The following ETV6 variants were observed in gnomAD, a reference collection of about 807,000 sequenced individuals.
The protein encoded by ETV6 is ETS variant transcription factor 6.
A neutral mutation model predicts 51.1 loss-of-function variants in ETV6; 16 were observed. That is an observed-to-expected ratio of 0.31 (90% confidence interval 0.21 to 0.48). ETV6 has a LOEUF of 0.48. Among genes scored for constraint, ETV6 ranks in the 20% least tolerant of loss-of-function variants. ETV6 has a pLI of 0.99. For missense variants in ETV6, 458 were observed against 594.8 expected, an observed-to-expected ratio of 0.77 and a Z score of 2.39; for synonymous variants, 240 against 224.1, an observed-to-expected ratio of 1.07 and a Z score of -0.64.
chr12:11,664,853 A>G (rs998213570), intron 1 of ETV6, among the ~76,000 whole-genome samples: 2 of 151,900 alleles, frequency 1.3e-5, no homozygotes, highest in East Asian at 3.9e-4. Flanking sequence ...CCCCACCCCC[A>G]ACACAACTTG....
intron 2 of ETV6, chr12:11,768,990 G>A (rs568403495): frequency 3.0e-5 from 14 of 471,694 alleles, no homozygotes; most frequent in African/African-American, 5.9e-5. Context: ...TGAAGAACCC[G>A]TAGGCTCAGT....
intron 1 of ETV6, among the ~76,000 whole-genome samples, chr12:11,712,475 A>G (rs1182053973): frequency 6.6e-6 from 1 of 152,188 alleles, no homozygotes; most frequent in Non-Finnish European, 1.5e-5. Context: ...TGGGGATGGT[A>G]TTACAGGTCG....
chr12:11,892,210 A>ATTTTTTTTTTT lies in ETV6; in HGVS notation c.*1177_*1187dup, dbSNP rs35812814. 7.8e-5 allele frequency: 12 copies of ATTTTTTTTTTT among 153,580 alleles called. No individual in the cohort carries two copies. The highest frequency in any genetic ancestry group is 2.1e-4 in the African/African-American group (5 of 24,360). The allele number at this position is 153,580 out of a possible 1,614,324, so 9.5% of individuals were successfully genotyped here. On this transcript the variant is annotated 3_prime_UTR_variant, in exon 8 of 8. Transcript: ENST00000396373. The stretch of plus-strand genomic sequence containing the variant: ...GTGGTCAGTTTCATGCCCTCACCTG[A>ATTTTTTTTTTT]TTTTTTTTTTTTTTTTTTTTTTTCA...
chr12:11,860,822 CTT>C (rs1464901460), intron 4 of ETV6, among the ~76,000 whole-genome samples: 1 of 152,172 alleles, frequency 6.6e-6, no homozygotes, highest in Admixed American at 6.5e-5. Context: ...TTTCCTTCCA[CTT>C]TTCTTAACCA....
At chr12:11,841,268 C>T (rs1946387211) in intron 3 of ETV6, among the ~76,000 whole-genome samples, 1 of 152,176 alleles carries the variant, frequency 6.6e-6, no homozygotes, top group Admixed American at 6.5e-5. Context: ...GTCAGGTGGG[C>T]CATGTGGAAG....
chr12:11,881,455 GCTCCA>G (rs982833241), intron 5 of ETV6, among the ~76,000 whole-genome samples: 1 of 152,202 alleles, frequency 6.6e-6, no homozygotes, highest in African/African-American at 2.4e-5. Context: ...GATACGGATT[GCTCCA>G]CAGTTCTGGG....
At chr12:11,701,272 A>C (rs944967570) in intron 1 of ETV6, among the ~76,000 whole-genome samples, 3 of 152,178 alleles carry the variant, frequency 2.0e-5, no homozygotes, top group African/African-American at 7.2e-5. Flanking sequence ...TGTCCCCAGC[A>C]AACGCTGGCA....
chr12:11,819,692 G>C (rs1052183009), intron 2 of ETV6, among the ~76,000 whole-genome samples: 43 of 152,234 alleles, frequency 2.8e-4, no homozygotes, highest in African/African-American at 1.0e-3. Flanking sequence ...CCTCCACATT[G>C]AATTAATCTC....
At chr12:11,767,530 T>A (rs1945181064) in intron 2 of ETV6, among the ~76,000 whole-genome samples, 1 of 152,188 alleles carries the variant, frequency 6.6e-6, no homozygotes, top group Admixed American at 6.5e-5. Flanking sequence ...AGAAAGAATA[T>A]TGGACTTGGG....
intron 3 of ETV6, chr12:11,840,396 T>C (rs1308026834): frequency 2.2e-6 from 1 of 455,924 alleles, no homozygotes; most frequent in Non-Finnish European, 4.4e-6. Context: ...GTCTCAGGTT[T>C]ATGCCTCTTG....
chr12:11,749,340 C>T lies in ETV6; in HGVS notation c.34-3110C>T, dbSNP rs912983255. On this transcript the variant is annotated intron_variant, in intron 1 of 7. Transcript: ENST00000396373. ...ACACACACACACACACACACACACA[C>T]ACACACACACCCCTACTCCCCATAA... Among the ~76,000 whole-genome samples, 411 of 118,830 alleles carry T rather than the reference C, an allele frequency of 3.5e-3. 4 individuals are homozygous for T. The highest frequency in any genetic ancestry group is 0.011 in the African/African-American group (392 of 34,408). The allele number at this position is 118,830 out of a possible 152,430, so 78.0% of individuals were successfully genotyped here.
chr12:11,784,838 AAGTGTG>A (rs1354851487), intron 2 of ETV6, among the ~76,000 whole-genome samples: 1 of 149,486 alleles, frequency 6.7e-6, no homozygotes, highest in Non-Finnish European at 1.5e-5. Context: ...CTGGAACTAC[AAGTGTG>A]CACCCCGTGC....
intron 2 of ETV6, among the ~76,000 whole-genome samples, chr12:11,827,968 G>C (rs1046410416): frequency 6.6e-6 from 1 of 152,144 alleles, no homozygotes; most frequent in Non-Finnish European, 1.5e-5. Flanking sequence ...TTCTGCTGAG[G>C]ATTACAAACA....
At chr12:11,739,327 A>G (rs1245905075) in intron 1 of ETV6, among the ~76,000 whole-genome samples, 1 of 152,128 alleles carries the variant, frequency 6.6e-6, no homozygotes, top group Non-Finnish European at 1.5e-5. Flanking sequence ...TTCTGAAAGG[A>G]TGGGGAATAG....
At chr12:11,724,347 G>A (rs1421611797) in intron 1 of ETV6, among the ~76,000 whole-genome samples, 2 of 152,180 alleles carry the variant, frequency 1.3e-5, no homozygotes, top group Non-Finnish European at 2.9e-5. Context: ...GCCTGTTCGT[G>A]GATCCTTAGT....
intron 3 of ETV6, chr12:11,840,415 A>ATTACTGAAGTACTCAAGGCCCTCCTT: frequency 4.4e-6 from 2 of 456,068 alleles, no homozygotes; most frequent in Non-Finnish European, 8.8e-6. Flanking sequence ...TGCGGGATTA[A>ATTACTGAAGTACTCAAGGCCCTCCTT]TTACTGAAGT....
chr12:11,654,394 T>C (rs188552824), intron 1 of ETV6, among the ~76,000 whole-genome samples: 35 of 152,238 alleles, frequency 2.3e-4, no homozygotes, highest in Admixed American at 2.0e-3. Flanking sequence ...AACCCATGGG[T>C]GAGTGAGCCA....
chr12:11,650,746 A>G (rs1459231747), intron 1 of ETV6, among the ~76,000 whole-genome samples: 3 of 152,112 alleles, frequency 2.0e-5, no homozygotes, highest in Admixed American at 6.6e-5. Context: ...GGCATTGCAC[A>G]ATGAATTTTT....
Position 11,832,573 on chromosome 12 carries a change from TC to T in ETV6, c.164-6565del, listed in dbSNP as rs1468978703. 6.6e-5 allele frequency among the ~76,000 whole-genome samples: 10 copies of T among 152,334 alleles called. No individual in the cohort carries two copies. The East Asian group carries it at 1.9e-3, about 29-fold the overall frequency. ...ATAAAACAGCTAACCTGATGGAACT[TC>T]CAGATAAAATTCAGGACAGATTTTC... On this transcript the variant is annotated intron_variant, in intron 2 of 7. Coordinates refer to ENST00000396373, the MANE Select transcript of ETV6 (RefSeq NM_001987.5).
Sources: allele counts gnomAD v4.1 joint callset (sites outside exome capture counted in the v4.1 genomes callset), GRCh38; gene constraint gnomAD v4.1.1; transcripts MANE v1.5; gene names NCBI Gene and HGNC (gene_info 2026-07-23, HGNC 2026-07-21).